Variants in SREK1IP1 observed in about 807,000 individuals in gnomAD.
The protein encoded by SREK1IP1 is SREK1 interacting protein 1.
A neutral mutation model predicts 22.8 loss-of-function variants in SREK1IP1; 12 were observed. That is an observed-to-expected ratio of 0.53 (90% confidence interval 0.34 to 0.85). SREK1IP1 has a LOEUF of 0.85. Among genes scored for constraint, SREK1IP1 ranks in the 40% least tolerant of loss-of-function variants. The probability of loss-of-function intolerance (pLI) is 0.02; values close to 1 mark genes in which losing one functional copy is unlikely to be tolerated. For missense variants in SREK1IP1, 147 were observed against 171.8 expected (o/e 0.86, Z 0.81); for synonymous variants, 53 against 52.7 (o/e 1.01, Z -0.02).
intron 3 of SREK1IP1, among the ~76,000 whole-genome samples, chr5:64,738,272 T>C (rs1742497382): frequency 6.6e-6 from 1 of 152,096 alleles, no homozygotes; most frequent in Non-Finnish European, 1.5e-5. Context: ...GCTCAATATA[T>C]GCAAATCCAT....
chr5:64,733,483 A>AATAT (rs35645493), intron 3 of SREK1IP1, among the ~76,000 whole-genome samples: 2,128 of 152,298 alleles, frequency 0.014, 23 homozygotes, highest in Non-Finnish European at 0.021. Context: ...AATGGGCTAT[A>AATAT]ACTACACATG....
chr5:64,729,503 A>G (rs1487040081), intron 3 of SREK1IP1, among the ~76,000 whole-genome samples: 1 of 152,242 alleles, frequency 6.6e-6, no homozygotes, highest in East Asian at 1.9e-4. Flanking sequence ...CATGTAGAAT[A>G]CCATGAAATG....
chr5:64,746,641 T>TTCA (rs1742642930), intron 2 of SREK1IP1, among the ~76,000 whole-genome samples: 1 of 152,166 alleles, frequency 6.6e-6, no homozygotes, highest in Non-Finnish European at 1.5e-5. Context: ...GAGGTACCAC[T>TTCA]TCATACCTAT....
intron 3 of SREK1IP1, among the ~76,000 whole-genome samples, chr5:64,729,202 G>A (rs1444527133): frequency 6.6e-6 from 1 of 152,128 alleles, no homozygotes; most frequent in East Asian, 1.9e-4. Flanking sequence ...TTTACTAAAT[G>A]CTTATGTGTC....
intron 1 of SREK1IP1, among the ~76,000 whole-genome samples, chr5:64,761,399 T>C (rs1742950284): frequency 6.6e-6 from 1 of 152,180 alleles, no homozygotes; most frequent in Admixed American, 6.5e-5. Flanking sequence ...AGAAATGTGT[T>C]GTTAGGCACA....
chr5:64,753,684 C>T (rs544038055), intron 2 of SREK1IP1, among the ~76,000 whole-genome samples: 14 of 152,192 alleles, frequency 9.2e-5, no homozygotes, highest in Non-Finnish European at 1.6e-4. Context: ...CTAATTCACA[C>T]GGTCTGCAAA....
intron 3 of SREK1IP1, among the ~76,000 whole-genome samples, chr5:64,734,571 T>A (rs1412783611): frequency 6.6e-6 from 1 of 152,054 alleles, no homozygotes; most frequent in Non-Finnish European, 1.5e-5. Flanking sequence ...ATATAGCGTA[T>A]CTTTACTTAT....
At chr5:64,755,397 A>G (rs1742821434) in intron 1 of SREK1IP1, among the ~76,000 whole-genome samples, 1 of 152,168 alleles carries the variant, frequency 6.6e-6, no homozygotes, top group Non-Finnish European at 1.5e-5. Context: ...ACGAAATTAC[A>G]TCCTTTGCAG....
At chr5:64,758,621 T>C (rs1425883313) in intron 1 of SREK1IP1, among the ~76,000 whole-genome samples, 1 of 152,178 alleles carries the variant, frequency 6.6e-6, no homozygotes, top group African/African-American at 2.4e-5. Context: ...GCTAAAAAAA[T>C]ACTGAATAAA....
intron 2 of SREK1IP1, among the ~76,000 whole-genome samples, chr5:64,742,288 G>A (rs1340198152): frequency 1.3e-5 from 2 of 152,008 alleles, no homozygotes; most frequent in Non-Finnish European, 2.9e-5. Flanking sequence ...ATGGGCAGTT[G>A]TACATGTCTC....
At chr5:64,735,413 C>A (rs1742446021) in intron 3 of SREK1IP1, among the ~76,000 whole-genome samples, 1 of 151,950 alleles carries the variant, frequency 6.6e-6, no homozygotes, top group African/African-American at 2.4e-5. Flanking sequence ...GAAATACTCT[C>A]CTCCCTTCAA....
intron 3 of SREK1IP1, among the ~76,000 whole-genome samples, chr5:64,736,555 G>A (rs993893684): frequency 6.6e-5 from 10 of 151,288 alleles, no homozygotes; most frequent in Admixed American, 2.6e-4. Flanking sequence ...TCTGCCTCCC[G>A]GGTTCAAGTG....
intron 2 of SREK1IP1, among the ~76,000 whole-genome samples, chr5:64,747,785 G>A (rs763597028): frequency 1.1e-4 from 16 of 152,144 alleles, no homozygotes; most frequent in South Asian, 2.1e-4. Flanking sequence ...AAAAGTAGCC[G>A]GGCATGGTGG....
At chr5:64,752,787 A>G (rs1008518600) in intron 2 of SREK1IP1, among the ~76,000 whole-genome samples, 8 of 152,218 alleles carry the variant, frequency 5.3e-5, no homozygotes, top group Non-Finnish European at 7.3e-5. Flanking sequence ...GCCCCCAAAT[A>G]AAAGATAAGC....
At chr5:64,729,057 C>A (rs763474944) in intron 3 of SREK1IP1, among the ~76,000 whole-genome samples, 4 of 152,000 alleles carry the variant, frequency 2.6e-5, no homozygotes, top group Non-Finnish European at 5.9e-5. Context: ...CCAGGCGTGG[C>A]GGCAGGAGCC....
At chr5:64,726,558 A>G (rs1366590280) in intron 4 of SREK1IP1, among the ~76,000 whole-genome samples, 1 of 150,664 alleles carries the variant, frequency 6.6e-6, no homozygotes, top group Non-Finnish European at 1.5e-5. Flanking sequence ...CCTGGGCAAC[A>G]GAGCGAGACT....
intron 3 of SREK1IP1, among the ~76,000 whole-genome samples, chr5:64,731,635 G>C (rs1450469105): frequency 2.6e-5 from 4 of 151,974 alleles, no homozygotes; most frequent in African/African-American, 7.3e-5. Flanking sequence ...AATGACAGGA[G>C]CCTCAAAAGG....
At position 64,724,349 on chromosome 5, in the gene SREK1IP1, A is replaced by T; in HGVS notation, c.*35T>A. The T allele has an allele frequency of 6.7e-7, 1 of 1,483,860 alleles. No homozygotes were observed. The highest frequency in any genetic ancestry group is 8.9e-7 in the Non-Finnish European group (1 of 1,117,328). 91.9% of individuals were successfully genotyped at this position (1,483,860 alleles called of 1,614,324 possible). A position where few individuals can be genotyped will look rare whatever the true frequency, so the allele number is the denominator to read the frequency against. ...AAGGGCAAACACGTTTTAAAAACAA[A>T]TTTTTAAATTTAACGGCTTAAGCCA... On this transcript the variant is annotated 3_prime_UTR_variant, in exon 5 of 5. Transcript: ENST00000513458.
chr5:64,763,097 A>G (rs963689771), intron 1 of SREK1IP1, among the ~76,000 whole-genome samples: 9 of 152,048 alleles, frequency 5.9e-5, no homozygotes, highest in African/African-American at 2.2e-4. Flanking sequence ...AAAAGGCTTC[A>G]TAATCATTTG....
Sources: allele counts gnomAD v4.1 joint callset (sites outside exome capture counted in the v4.1 genomes callset), GRCh38; gene constraint gnomAD v4.1.1; transcripts MANE v1.5; gene names NCBI Gene and HGNC (gene_info 2026-07-23, HGNC 2026-07-21).